Variants in SYT7 observed in about 807,000 individuals in gnomAD.
SYT7 encodes the protein synaptotagmin-7.
In SYT7, 29 loss-of-function variants were observed where a neutral mutation model predicts 75.1. That is an observed-to-expected ratio of 0.39 (90% confidence interval 0.29 to 0.53). The LOEUF is 0.53. Among genes scored for constraint, SYT7 ranks in the 20% least tolerant of loss-of-function variants. The pLI is 0.77. For synonymous variants in SYT7, 376 were observed against 401.7 expected (o/e 0.94, Z 0.76); for missense variants, 693 against 953.2 (o/e 0.73, Z 3.59).
chr11:61,527,891 G>A lies in SYT7; in HGVS notation c.1471+24C>T, dbSNP rs201899119. On this transcript the variant is annotated intron_variant, in intron 9 of 12. Coordinates refer to ENST00000539008, the MANE Select transcript of SYT7 (RefSeq NM_001365809.2). The stretch of plus-strand genomic sequence containing the variant: ...GTAGACAGCAAGAGGTGACCATGGC[G>A]GGGGAAGGTGGCACTAGACTCACCT... The A allele has an allele frequency of 3.9e-5, 63 of 1,610,434 alleles. 1 individual carries two copies. In the South Asian group the frequency reaches 5.3e-4, roughly 13 times the overall value.
At position 61,528,078 on chromosome 11, in the gene SYT7, G is replaced by A. The variant is rs764750362; in HGVS notation, c.1308C>T (p.Thr436=). The change falls in exon 9 of 13, where the codon ACC becomes ACT. Residue 436 remains threonine, a synonymous_variant. Transcript: ENST00000539008. ...VGYNFQESTL[T]VKIMKAQELP... is the part of the protein sequence containing the mutation. ...GCTCCTGGGCCTTCATGATCTTCAC[G>A]GTGAGCGTGGACTCCTGGAAGTTGT... 6.2e-6 allele frequency: 10 copies of A among 1,613,946 alleles called. No individual in the cohort carries two copies. Among genetic ancestry groups the A allele is most frequent in the Admixed American group, 3.3e-5 (2 of 60,026 alleles).
chr11:61,566,500 A>G (rs1259662241), intron 1 of SYT7, among the ~76,000 whole-genome samples: 1 of 152,188 alleles, frequency 6.6e-6, no homozygotes, highest in Non-Finnish European at 1.5e-5. Flanking sequence ...CCCAGACTGA[A>G]GAGTGGCTAG....
intron 6 of SYT7, chr11:61,541,378 T>A: frequency 5.0e-6 from 3 of 602,758 alleles, no homozygotes; most frequent in Non-Finnish European, 5.7e-6. Context: ...GCTCTGAGAG[T>A]GGGGGGCAGA....
intron 8 of SYT7, among the ~76,000 whole-genome samples, 163 bp from the exon 9 acceptor site, chr11:61,528,348 C>T (rs965068442): frequency 6.6e-6 from 1 of 152,170 alleles, no homozygotes; most frequent in African/African-American, 2.4e-5. Flanking sequence ...TGACCAGGGT[C>T]TCCCAGGAGG....
intron 3 of SYT7, among the ~76,000 whole-genome samples, chr11:61,549,775 C>A (rs1041468177): frequency 3.3e-5 from 5 of 152,212 alleles, no homozygotes; most frequent in African/African-American, 1.2e-4. Flanking sequence ...GGCTGGACGG[C>A]CGCTGCTGCC....
chr11:61,541,478 A>AG (rs1173365130), intron 6 of SYT7, among the ~76,000 whole-genome samples: 8 of 152,102 alleles, frequency 5.3e-5, no homozygotes, highest in African/African-American at 2.4e-5. Context: ...GGAATGGTTA[A>AG]GGTTAGACAC....
At chr11:61,555,711 G>A (rs1366002059) in intron 2 of SYT7, among the ~76,000 whole-genome samples, 1 of 152,180 alleles carries the variant, frequency 6.6e-6, no homozygotes, top group Non-Finnish European at 1.5e-5. Flanking sequence ...GGTGCTTAGA[G>A]TGGGGGCTCT....
chr11:61,545,236 G>A (rs1250960297), intron 5 of SYT7, among the ~76,000 whole-genome samples: 3 of 152,204 alleles, frequency 2.0e-5, no homozygotes, highest in Non-Finnish European at 4.4e-5. Flanking sequence ...GAGTGGGCCT[G>A]ACTGTTCGAC....
intron 6 of SYT7, 83 bp from the exon 7 acceptor site, chr11:61,538,349 GAGA>G: frequency 9.0e-6 from 5 of 553,490 alleles, no homozygotes; most frequent in South Asian, 2.6e-5. Context: ...GAGAGAGGGA[GAGA>G]GAGAGAGAGA....
chr11:61,518,631 G>A lies in SYT7; in HGVS notation c.2057C>T (p.Ala686Val). ...QPVAQWHQLK[A>V] is the part of the protein sequence containing the mutation. ...CTGGGCCTCCCTTGGCCCCACTCAGGCCTTCAGCTGGTGCCACTGGGCCAC... is the reference window on the plus strand; with the variant it reads ...CTGGGCCTCCCTTGGCCCCACTCAGACCTTCAGCTGGTGCCACTGGGCCAC... The change falls in exon 13 of 13, where the codon GCC becomes GTC. Residue 686 changes from alanine (A) to valine (V), a missense_variant. By Grantham distance (64) the Ala-to-Val change is moderately conservative (BLOSUM62 0). This residue lies in a region of SYT7 where 206 missense variants were observed against 360.0 expected (regional missense o/e 0.57). Coordinates refer to ENST00000539008, the MANE Select transcript of SYT7 (RefSeq NM_001365809.2). 1.3e-6 allele frequency: 2 copies of A among 1,545,876 alleles called. No homozygotes were observed. Among genetic ancestry groups the A allele is most frequent in the Non-Finnish European group, 1.7e-6 (2 of 1,144,356 alleles).
Position 61,517,574 on chromosome 11 carries a change from G to A in SYT7, c.*1053C>T. On this transcript the variant is annotated 3_prime_UTR_variant, in exon 13 of 13. Coordinates refer to ENST00000539008, the MANE Select transcript of SYT7 (RefSeq NM_001365809.2). ...GGTCTGCACAGGCAGGGAGAGATGA[G>A]GAAGGGCAGGCAAGCTGGAAAGCAT... The A allele has an allele frequency of 2.5e-6, 1 of 399,696 alleles. No individual in the cohort carries two copies. Among genetic ancestry groups the A allele is most frequent in the Non-Finnish European group, 4.4e-6 (1 of 226,752 alleles). The allele number at this position is 399,696 out of a possible 1,614,324, so 24.8% of individuals were successfully genotyped here.
chr11:61,577,470 A>C (rs539996597), intron 1 of SYT7, among the ~76,000 whole-genome samples: 2 of 152,238 alleles, frequency 1.3e-5, no homozygotes, highest in South Asian at 4.1e-4. Context: ...CCTGGCCTCT[A>C]ACCCAGGTGT....
chr11:61,537,743 G>A (rs758689437), intron 7 of SYT7, among the ~76,000 whole-genome samples: 5 of 151,704 alleles, frequency 3.3e-5, no homozygotes, highest in South Asian at 2.1e-4. Flanking sequence ...ACGGGCTGGC[G>A]CCCCTTCCCT....
intron 12 of SYT7, among the ~76,000 whole-genome samples, chr11:61,520,089 C>T (rs1321998818): frequency 2.3e-5 from 3 of 131,100 alleles, no homozygotes; most frequent in East Asian, 3.9e-4. Flanking sequence ...CTCCTGACCT[C>T]GTGATCTGGG....
chr11:61,559,463 G>A (rs1590925503), intron 1 of SYT7, among the ~76,000 whole-genome samples: 1 of 152,164 alleles, frequency 6.6e-6, no homozygotes, highest in Non-Finnish European at 1.5e-5. Context: ...CCAGCTGAGG[G>A]GTTTGTTTTG....
At position 61,556,122 on chromosome 11, in the gene SYT7, G is replaced by C; in HGVS notation, c.117C>G (p.His39Gln). ...GCCTCACCAGTTTGCGCTGACACCA[G>C]TGGCAGAGGCCGCAGAGGACGACAG... ...SVTVVLCGLC[H>Q]WCQRKLGKRY... is the part of the protein sequence containing the mutation. Residue 39 changes from histidine to glutamine, a missense_variant, in exon 2 of 13, where the codon CAC (histidine) becomes CAG (glutamine). This residue lies in a region of SYT7 where 487 missense variants were observed against 593.2 expected (regional missense o/e 0.82). Coordinates refer to ENST00000539008, the MANE Select transcript of SYT7 (RefSeq NM_001365809.2). 1 of 1,613,908 alleles carries C rather than the reference G, an allele frequency of 6.2e-7. No homozygotes were observed. The highest frequency in any genetic ancestry group is 8.5e-7 in the Non-Finnish European group (1 of 1,179,930).
chr11:61,542,663 T>G lies in SYT7; in HGVS notation c.573-84A>C. 7.0e-7 allele frequency: 1 copy of G among 1,420,790 alleles called. No homozygotes were observed. The highest frequency in any genetic ancestry group is 2.8e-5 in the Admixed American group (1 of 35,238). The allele number at this position is 1,420,790 out of a possible 1,614,324, so 88.0% of individuals were successfully genotyped here. A position where few individuals can be genotyped will look rare whatever the true frequency, so the allele number is the denominator to read the frequency against. ...AGAGAAAGAAGCCGAGGGCCAGGAC[T>G]AGGAGGCCCCAGTGCAGGGTGCGCG... On this transcript the variant is annotated intron_variant, in intron 5 of 12. Coordinates refer to ENST00000539008, the MANE Select transcript of SYT7 (RefSeq NM_001365809.2). This position sits in a 1 kb window ranked among gnomAD's most constrained non-coding sequence, Gnocchi z 7.8.
upstream of SYT7, among the ~76,000 whole-genome samples, chr11:61,584,186 G>A (rs930024584): frequency 6.6e-6 from 1 of 151,984 alleles, no homozygotes; most frequent in African/African-American, 2.4e-5. Context: ...CCAGGAGTTC[G>A]AGACTAGCCT....
intron 1 of SYT7, among the ~76,000 whole-genome samples, chr11:61,570,128 A>T (rs1202149956): frequency 6.6e-6 from 1 of 152,256 alleles, no homozygotes; most frequent in Non-Finnish European, 1.5e-5. Flanking sequence ...CACAGAGAGG[A>T]AACAGTGCCT....
Sources: allele counts gnomAD v4.1 joint callset (sites outside exome capture counted in the v4.1 genomes callset), GRCh38; gene constraint gnomAD v4.1.1; regional missense constraint gnomAD v4.1.1; non-coding constraint Gnocchi (gnomAD v3.1); transcripts MANE v1.5; gene names NCBI Gene and HGNC (gene_info 2026-07-23, HGNC 2026-07-21).